DPP10: variants seen among roughly 807,000 people sequenced by gnomAD.
DPP10 encodes dipeptidyl peptidase like 10.
In DPP10, 33 loss-of-function variants were observed where a neutral mutation model predicts 120.9. That is an observed-to-expected ratio of 0.27 (90% confidence interval 0.21 to 0.37). DPP10 has a LOEUF of 0.37. DPP10 is among the 10% of genes least tolerant of loss of function. DPP10 has a pLI of 1.00. For missense variants in DPP10, 816 were observed against 942.8 expected (o/e 0.87, Z 1.76); for synonymous variants, 337 against 326.1 (o/e 1.03, Z -0.36).
chr2:115,724,738 A>T (rs2092725938), intron 7 of DPP10, among the ~76,000 whole-genome samples: 2 of 152,324 alleles, frequency 1.3e-5, no homozygotes, highest in South Asian at 4.1e-4. Context: ...TTATAAAGAA[A>T]AGAGGTTTAA....
At chr2:115,446,817 C>A (rs932777400) in intron 3 of DPP10, among the ~76,000 whole-genome samples, 9 of 152,170 alleles carry the variant, frequency 5.9e-5, no homozygotes, top group Non-Finnish European at 1.2e-4. Context: ...ACACCTTCCC[C>A]CTTCCTTCTG....
chr2:114,571,788 TACA>T, intron 1 of DPP10, among the ~76,000 whole-genome samples: 1 of 150,618 alleles, frequency 6.6e-6, no homozygotes. Context: ...ATTAATATAA[TACA>T]ATATTTATAC....
chr2:115,462,756 G>C (rs1574919750), intron 3 of DPP10, among the ~76,000 whole-genome samples: 1 of 152,122 alleles, frequency 6.6e-6, no homozygotes, highest in Admixed American at 6.5e-5. Context: ...GTTTGAGAGA[G>C]TTTCACTCTG....
At chr2:115,324,449 A>G (rs2062235114) in intron 2 of DPP10, among the ~76,000 whole-genome samples, 1 of 152,102 alleles carries the variant, frequency 6.6e-6, no homozygotes, top group Non-Finnish European at 1.5e-5. Flanking sequence ...CTTTGATATT[A>G]TGGAAATAGG....
intron 1 of DPP10, among the ~76,000 whole-genome samples, chr2:115,221,674 C>T (rs2105420675): frequency 6.6e-6 from 1 of 151,296 alleles, no homozygotes; most frequent in South Asian, 2.1e-4. Context: ...ATCATGGACA[C>T]TAGAAGAGAT....
intron 1 of DPP10, among the ~76,000 whole-genome samples, chr2:114,932,130 C>T (rs990767123): frequency 5.3e-5 from 8 of 152,172 alleles, no homozygotes; most frequent in Admixed American, 4.6e-4. Flanking sequence ...CTAGAAACAT[C>T]GGAAATGCAA....
intron 5 of DPP10, among the ~76,000 whole-genome samples, chr2:115,526,568 G>GTTGA (rs561984438): frequency 1.1e-4 from 17 of 152,260 alleles, no homozygotes; most frequent in African/African-American, 4.1e-4. Flanking sequence ...ATGTATGGTT[G>GTTGA]TTGAGTGTTT....
Position 114,492,320 on chromosome 2 carries a change from TA to T in DPP10, c.60+49486del, listed in dbSNP as rs1228702223. The stretch of plus-strand genomic sequence containing the variant: ...TATTTTAAGACATTTCATGAGATGT[TA>T]AAAGCCCCTAGTGAAGACTGTTAAA... On this transcript the variant is annotated intron_variant, in intron 1 of 25. Transcript: ENST00000410059. Among the ~76,000 whole-genome samples, 14 of 152,262 alleles carry T rather than the reference TA, an allele frequency of 9.2e-5. No homozygotes were observed. In the South Asian group the frequency reaches 1.4e-3, roughly 16 times the overall value.
At chr2:115,059,410 T>C (rs899231452) in intron 1 of DPP10, among the ~76,000 whole-genome samples, 1 of 149,404 alleles carries the variant, frequency 6.7e-6, no homozygotes, top group Non-Finnish European at 1.5e-5. Flanking sequence ...AATACCAATA[T>C]CCTAATTTCC....
intron 1 of DPP10, among the ~76,000 whole-genome samples, chr2:115,294,833 C>A (rs1458395153): frequency 6.6e-6 from 1 of 151,994 alleles, no homozygotes; most frequent in Non-Finnish European, 1.5e-5. Flanking sequence ...AATGATTTTA[C>A]AGGAGGGAGA....
chr2:115,142,986 T>G (rs1437765446), intron 1 of DPP10, among the ~76,000 whole-genome samples: 1 of 152,186 alleles, frequency 6.6e-6, no homozygotes, highest in African/African-American at 2.4e-5. Flanking sequence ...TCAACTTTTT[T>G]TAAGGGGCAA....
intron 5 of DPP10, among the ~76,000 whole-genome samples, chr2:115,548,738 A>G (rs2079674486): frequency 6.6e-6 from 1 of 152,166 alleles, no homozygotes; most frequent in African/African-American, 2.4e-5. Context: ...TGTCCATGAT[A>G]TAAACACATG....
chr2:115,527,228 T>C (rs2078184514), intron 5 of DPP10, among the ~76,000 whole-genome samples: 1 of 152,062 alleles, frequency 6.6e-6, no homozygotes, highest in South Asian at 2.1e-4. Flanking sequence ...CTCACAACTA[T>C]GCCTAATAGA....
intron 1 of DPP10, among the ~76,000 whole-genome samples, chr2:114,523,000 C>T (rs1310066623): frequency 2.0e-5 from 3 of 152,178 alleles, no homozygotes; most frequent in Non-Finnish European, 2.9e-5. Flanking sequence ...TTTGAGTAGG[C>T]ACATGCAGCC....
chr2:115,028,289 C>G (rs1703609023), intron 1 of DPP10, among the ~76,000 whole-genome samples: 2 of 152,004 alleles, frequency 1.3e-5, no homozygotes, highest in Non-Finnish European at 2.9e-5. Context: ...TATGTTGCAT[C>G]TCCATTTCCA....
intron 3 of DPP10, among the ~76,000 whole-genome samples, chr2:115,441,817 CTTTTTT>C (rs561102084): frequency 1.6e-5 from 2 of 124,478 alleles, no homozygotes; most frequent in African/African-American, 3.2e-5. Flanking sequence ...TTCTTTCTTT[CTTTTTT>C]TTTTTTTTTT....
intron 8 of DPP10, among the ~76,000 whole-genome samples, chr2:115,728,749 C>T (rs895494): frequency 0.88 from 133,510 of 152,190 alleles, 58,710 homozygotes; most frequent in East Asian, 1. Flanking sequence ...AAGTGAATAA[C>T]TTAGACCAAT....
chr2:115,537,622 T>G (rs1310491961), intron 5 of DPP10, among the ~76,000 whole-genome samples: 2 of 151,478 alleles, frequency 1.3e-5, no homozygotes, highest in Non-Finnish European at 2.9e-5. Flanking sequence ...AAACATACTT[T>G]GGGCAGTAGT....
intron 5 of DPP10, among the ~76,000 whole-genome samples, chr2:115,616,479 C>T (rs1386366740): frequency 6.6e-6 from 1 of 151,502 alleles, no homozygotes; most frequent in African/African-American, 2.4e-5. Flanking sequence ...AATACAAATA[C>T]ATTTCAGCCT....
Sources: allele counts gnomAD v4.1 joint callset (sites outside exome capture counted in the v4.1 genomes callset), GRCh38; gene constraint gnomAD v4.1.1; transcripts MANE v1.5; gene names NCBI Gene and HGNC (gene_info 2026-07-23, HGNC 2026-07-21).